CEP57: variants seen among roughly 807,000 people sequenced by gnomAD.
CEP57 encodes centrosomal protein of 57 kDa.
CEP57 carries 40 observed loss-of-function variants against 68.0 expected under a neutral mutation model. The ratio of observed to expected loss-of-function variants is 0.59; its 90% confidence interval spans 0.46 to 0.77. The LOEUF is 0.77. Ranked by LOEUF, CEP57 falls within the 30% of genes least tolerant of loss-of-function variation. The pLI, the probability that CEP57 is intolerant of heterozygous loss-of-function variation, is 0.00. For missense variants in CEP57, 606 were observed against 580.7 expected (o/e 1.04, Z -0.45); for synonymous variants, 219 against 198.7 (o/e 1.10, Z -0.86).
At chr11:95,816,095 A>G (rs1862284661) in intron 4 of CEP57, among the ~76,000 whole-genome samples, 1 of 152,220 alleles carries the variant, frequency 6.6e-6, no homozygotes, top group Non-Finnish European at 1.5e-5. Context: ...TTATGAAAGA[A>G]AGAGGTTTAA....
intron 2 of CEP57, among the ~76,000 whole-genome samples, chr11:95,800,987 G>A (rs1486959016): frequency 6.6e-6 from 1 of 152,114 alleles, no homozygotes; most frequent in Non-Finnish European, 1.5e-5. Context: ...AATTCTATGT[G>A]TTAATGATTC....
intron 8 of CEP57, chr11:95,827,358 T>A: frequency 5.1e-6 from 1 of 194,544 alleles, no homozygotes; most frequent in Non-Finnish European, 1.1e-5. Flanking sequence ...ATGTAAAAAG[T>A]GTTATAGGTG....
intron 2 of CEP57, among the ~76,000 whole-genome samples, chr11:95,807,482 A>T (rs887210211): frequency 1.3e-5 from 2 of 152,154 alleles, no homozygotes; most frequent in African/African-American, 2.4e-5. Flanking sequence ...AAAAGATTAG[A>T]CGAATGGCTA....
chr11:95,812,480 A>G (rs1009030235), intron 2 of CEP57, among the ~76,000 whole-genome samples: 3 of 151,760 alleles, frequency 2.0e-5, no homozygotes, highest in South Asian at 2.1e-4. Context: ...CTGGAGTGCA[A>G]TGGTGCGATC....
Position 95,790,760 on chromosome 11 carries a change from G to C in CEP57, c.45+17G>C, listed in dbSNP as rs1274954308. The C allele has an allele frequency of 5.0e-6, 8 of 1,613,788 alleles. No individual in the cohort carries two copies. The highest frequency in any genetic ancestry group is 1.7e-5 in the Admixed American group (1 of 60,000). ...CACTTGTCGGTAAGAAGCAGTTGGCGCGAGTGGGCCCCACGTCGGCCCTAA... is the reference window on the plus strand; with the variant it reads ...CACTTGTCGGTAAGAAGCAGTTGGCCCGAGTGGGCCCCACGTCGGCCCTAA... On this transcript the variant is annotated intron_variant, in intron 1 of 10. Coordinates refer to ENST00000325542, the MANE Select transcript of CEP57 (RefSeq NM_014679.5).
At chr11:95,812,857 T>C (rs537943906) in intron 2 of CEP57, 75 bp from the exon 3 acceptor site, 1 of 1,307,800 alleles carries the variant, frequency 7.6e-7, no homozygotes. Context: ...TTTATTTAGA[T>C]GAGTTTATTC....
rs1450702023 is a variant in CEP57, at chr11:95,794,153, A to G, written c.45+3410A>G. On this transcript the variant is annotated intron_variant, in intron 1 of 10. Transcript: ENST00000325542. ...TTTCACTAGATCTTTTAGAGTGTAA[A>G]GGGGTCCTGAGAGAAAAAGTTTGCA... 7.1e-6 allele frequency: 3 copies of G among 421,864 alleles called. No individual in the cohort carries two copies. The East Asian group carries it at 2.1e-4, about 30-fold the overall frequency. 26.1% of individuals were successfully genotyped at this position (421,864 alleles called of 1,614,324 possible).
In CEP57 at chr11:95,790,529, C is replaced by A; in HGVS notation, c.-170C>A. 1.4e-6 allele frequency: 1 copy of A among 712,196 alleles called. No individual in the cohort carries two copies. The highest frequency in any genetic ancestry group is 2.4e-6 in the Non-Finnish European group (1 of 419,126). 44.1% of individuals were successfully genotyped at this position (712,196 alleles called of 1,614,324 possible). On this transcript the variant is annotated 5_prime_UTR_variant, in exon 1 of 11. It adds an upstream start codon to the 5' untranslated region. Transcript: ENST00000325542. ...GTGTAAGCTGTGAGCGTAGGCGGCC[C>A]TGAGGGGGTGTGTTGCAGGGGTTTC...
intron 1 of CEP57, chr11:95,795,582 T>C: frequency 1.9e-6 from 1 of 530,654 alleles, no homozygotes; most frequent in Admixed American, 3.2e-5. Flanking sequence ...GTCTTACTCC[T>C]GATTTTAAAA....
At chr11:95,804,611 T>C (rs1315219745) in intron 2 of CEP57, among the ~76,000 whole-genome samples, 1 of 152,144 alleles carries the variant, frequency 6.6e-6, no homozygotes, top group Non-Finnish European at 1.5e-5. Flanking sequence ...ATAAAAAAAG[T>C]CACCTCTGAT....
At position 95,832,139 on chromosome 11, in the gene CEP57, T is replaced by C. The variant is rs1190247759; in HGVS notation, c.*883T>C. On this transcript the variant is annotated 3_prime_UTR_variant, in exon 11 of 11. Coordinates refer to ENST00000325542, the MANE Select transcript of CEP57 (RefSeq NM_014679.5). ...AGTGGAATATAAACTGTACACATAA[T>C]TATCATGTTGATATAAATCATAATT... 1 of 152,172 alleles carries C rather than the reference T, an allele frequency of 6.6e-6. No individual in the cohort carries two copies. The highest frequency in any genetic ancestry group is 2.4e-5 in the African/African-American group (1 of 41,454). 9.4% of individuals were successfully genotyped at this position (152,172 alleles called of 1,614,324 possible). A position where few individuals can be genotyped will look rare whatever the true frequency, so the allele number is the denominator to read the frequency against.
intron 2 of CEP57, among the ~76,000 whole-genome samples, chr11:95,810,903 G>A (rs989382873): frequency 6.6e-6 from 1 of 152,142 alleles, no homozygotes; most frequent in Non-Finnish European, 1.5e-5. Flanking sequence ...ACAATCCTGA[G>A]CCATTAAAGT....
chr11:95,824,173 G>A (rs1216803964), intron 8 of CEP57, among the ~76,000 whole-genome samples: 3 of 151,676 alleles, frequency 2.0e-5, no homozygotes, highest in East Asian at 3.9e-4. Context: ...TGTAGCCCAG[G>A]AGTTCGAGAC....
chr11:95,808,273 G>A (rs1219686502), intron 2 of CEP57, among the ~76,000 whole-genome samples: 1 of 151,962 alleles, frequency 6.6e-6, no homozygotes, highest in African/African-American at 2.4e-5. Context: ...ATGCCAAATT[G>A]TAAAGACCAT....
intron 7 of CEP57, 192 bp from the exon 8 acceptor site, chr11:95,822,307 C>T: frequency 1.7e-6 from 1 of 593,830 alleles, no homozygotes; most frequent in Admixed American, 2.9e-5. Context: ...GTGCTTTTTT[C>T]CCCCCAGCCT....
In CEP57 at chr11:95,790,745, TA is replaced by T; in HGVS notation, c.45+4del. 6.2e-7 allele frequency: 1 copy of T among 1,614,036 alleles called. No homozygotes were observed. Among genetic ancestry groups the T allele is most frequent in the South Asian group, 1.1e-5 (1 of 91,052 alleles). On this transcript the variant is annotated splice_donor_region_variant and intron_variant, in intron 1 of 10. Transcript: ENST00000325542. ...GCGGCTTCTGGTTCTCACTTGTCGG[TA>T]AGAAGCAGTTGGCGCGAGTGGGCCC... is the stretch of plus-strand genomic sequence containing the variant.
At chr11:95,821,178 A>T (rs971222342) in intron 6 of CEP57, among the ~76,000 whole-genome samples, 3 of 152,200 alleles carry the variant, frequency 2.0e-5, no homozygotes, top group Non-Finnish European at 4.4e-5. Context: ...ATTTGAAACA[A>T]ACACTATTCC....
chr11:95,804,186 T>C (rs1861696385), intron 2 of CEP57, among the ~76,000 whole-genome samples: 3 of 152,248 alleles, frequency 2.0e-5, no homozygotes, highest in East Asian at 3.9e-4. Context: ...CTGACAAAGG[T>C]GTTTACTGCC....
rs899131856 is a variant in CEP57, at chr11:95,824,407, C to G, written c.885+1831C>G. ...GCTATAAGAAAGGCATACTTGTAGA[C>G]TCTAATATGATTTGAGAAAAAGGAA... is the stretch of plus-strand genomic sequence containing the variant. On this transcript the variant is annotated intron_variant, in intron 8 of 10. Transcript: ENST00000325542. 9.5e-4 allele frequency among the ~76,000 whole-genome samples: 77 copies of G among 81,256 alleles called. 1 individual carries two copies. Among genetic ancestry groups the G allele is most frequent in the African/African-American group, 2.3e-3 (73 of 32,264 alleles). The allele number at this position is 81,256 out of a possible 152,430, so 53.3% of individuals were successfully genotyped here.
Sources: gnomAD v4.1 joint callset for allele counts (sites outside exome capture counted in the v4.1 genomes callset) on GRCh38, gnomAD v4.1.1 for gene constraint, MANE v1.5 for transcripts, NCBI Gene and HGNC (gene_info 2026-07-23, HGNC 2026-07-21) for gene names.